Variants in KIRREL3 observed in about 807,000 individuals in gnomAD.
KIRREL3 encodes kirre like nephrin family adhesion molecule 3.
KIRREL3 carries 36 observed loss-of-function variants against 89.7 expected under a neutral mutation model. That is an observed-to-expected ratio of 0.40 (90% CI 0.31 to 0.53). KIRREL3 has a LOEUF of 0.53. KIRREL3 is among the 20% of genes least tolerant of loss of function. The pLI is 0.49. For synonymous variants in KIRREL3, 445 were observed against 441.4 expected, an observed-to-expected ratio of 1.01 and a Z score of -0.10; for missense variants, 864 against 1,056.6, an observed-to-expected ratio of 0.82 and a Z score of 2.53.
Position 126,896,610 on chromosome 11 carries a change from T to C in KIRREL3, c.55+103845A>G, listed in dbSNP as rs1337017154. Among the ~76,000 whole-genome samples the C allele has an allele frequency of 6.7e-6, 1 of 149,254 alleles. No individual in the cohort carries two copies. The highest frequency in any genetic ancestry group is 1.5e-5 in the Non-Finnish European group (1 of 66,902). The stretch of plus-strand genomic sequence containing the variant: ...GTGTAGAGAACGTGGGGCCTGTCCA[T>C]GGGCTTCAGTGCCCACCATGCAGTG... On this transcript the variant is annotated intron_variant, in intron 1 of 16. Transcript: ENST00000525144. The surrounding 1 kb of genome is among the most constrained non-coding windows in gnomAD (Gnocchi z 4.1).
At position 126,642,307 on chromosome 11, in the gene KIRREL3, C is replaced by T. The variant is rs543555057; in HGVS notation, c.56-79395G>A. ...TGAGACCAGCAAGAGGCTCTGTTTGCGCCAAGTCTCCCTGTAAACACTGTG... is the reference window on the plus strand; with the variant it reads ...TGAGACCAGCAAGAGGCTCTGTTTGTGCCAAGTCTCCCTGTAAACACTGTG... On this transcript the variant is annotated intron_variant, in intron 1 of 16. Transcript: ENST00000525144. This position sits in a 1 kb window ranked among gnomAD's most constrained non-coding sequence, Gnocchi z 4.9. 3.3e-5 allele frequency among the ~76,000 whole-genome samples: 5 copies of T among 152,330 alleles called. No homozygotes were observed. Among genetic ancestry groups the T allele is most frequent in the African/African-American group, 4.8e-5 (2 of 41,574 alleles).
At chr11:126,973,026 G>A (rs1029185903) in intron 1 of KIRREL3, among the ~76,000 whole-genome samples, 4 of 147,010 alleles carry the variant, frequency 2.7e-5, no homozygotes, top group African/African-American at 1.0e-4. Flanking sequence ...ATAACTAAGG[G>A]CATTGCTGAA....
intron 4 of KIRREL3, among the ~76,000 whole-genome samples, chr11:126,500,946 C>G (rs116262354): frequency 0.01 from 1,531 of 152,280 alleles, 20 homozygotes; most frequent in African/African-American, 0.035. Flanking sequence ...TGCTGCTGGT[C>G]TGTTGCATTT....
intron 4 of KIRREL3, among the ~76,000 whole-genome samples, chr11:126,478,111 A>T (rs538898809): frequency 6.6e-6 from 1 of 152,162 alleles, no homozygotes; most frequent in Admixed American, 6.5e-5. Context: ...CCCTGGCCCC[A>T]CTGCGTCTCT....
intron 1 of KIRREL3, among the ~76,000 whole-genome samples, chr11:126,887,340 G>C (rs922058160): frequency 6.6e-6 from 1 of 152,164 alleles, no homozygotes; most frequent in Non-Finnish European, 1.5e-5. Flanking sequence ...TCAGTGGAAC[G>C]GAGGGGAGAT....
rs902010515 is a variant in KIRREL3, at chr11:126,427,804, A to T, written c.1806+1375T>A. ...GCTCTCGAGGGTGGATTGAGAAAAG[A>T]GACAAAAGACTACAAGGCTGAGACC... is the stretch of plus-strand genomic sequence containing the variant. On this transcript the variant is annotated intron_variant, in intron 15 of 16. Transcript: ENST00000525144. This position sits in a 1 kb window ranked among gnomAD's most constrained non-coding sequence, Gnocchi z 5.3. 1.3e-5 allele frequency among the ~76,000 whole-genome samples: 2 copies of T among 152,200 alleles called. No individual in the cohort carries two copies. Among genetic ancestry groups the T allele is most frequent in the Admixed American group, 6.5e-5 (1 of 15,280 alleles).
In KIRREL3 at chr11:126,715,725, C is replaced by T. The variant is rs140670773; in HGVS notation, c.56-152813G>A. The stretch of plus-strand genomic sequence containing the variant: ...GCAGGCAAAAGGAGGAAAGAGAATG[C>T]GGGGGAGGCAAACATCAGAGAGACT... On this transcript the variant is annotated intron_variant, in intron 1 of 16. Coordinates refer to ENST00000525144, the MANE Select transcript of KIRREL3 (RefSeq NM_032531.4). The surrounding 1 kb of genome is among the most constrained non-coding windows in gnomAD (Gnocchi z 4.4). 1.4e-4 allele frequency among the ~76,000 whole-genome samples: 22 copies of T among 152,140 alleles called. No individual in the cohort carries two copies. Among genetic ancestry groups the T allele is most frequent in the Middle Eastern group, 3.4e-3 (1 of 294 alleles).
In KIRREL3 at chr11:126,788,403, T is replaced by C. The variant is rs543924753; in HGVS notation, c.55+212052A>G. 5.3e-5 allele frequency among the ~76,000 whole-genome samples: 8 copies of C among 152,336 alleles called. No individual in the cohort carries two copies. The highest frequency in any genetic ancestry group is 1.9e-4 in the African/African-American group (8 of 41,576). ...GGTCTGTGGCCCTTGGTTTTGAGACTGAGACAGGGCTGTGCTTCTTCCCTT... is the reference window on the plus strand; with the variant it reads ...GGTCTGTGGCCCTTGGTTTTGAGACCGAGACAGGGCTGTGCTTCTTCCCTT... On this transcript the variant is annotated intron_variant, in intron 1 of 16. Transcript: ENST00000525144. The surrounding 1 kb of genome is among the most constrained non-coding windows in gnomAD (Gnocchi z 4.1).
intron 1 of KIRREL3, among the ~76,000 whole-genome samples, chr11:126,816,916 T>C (rs1267802470): frequency 6.6e-6 from 1 of 152,158 alleles, no homozygotes; most frequent in South Asian, 2.1e-4. Flanking sequence ...CTTCTAATCA[T>C]AGACTCAGCA....
rs914083171 is a variant in KIRREL3, at chr11:126,563,759, C to G, written c.56-847G>C. ...GTGTGAGCATTAAATTGGAGTCCATCTGCCTCACAAGAAGGCAAGCTTTCC... is the reference window on the plus strand; with the variant it reads ...GTGTGAGCATTAAATTGGAGTCCATGTGCCTCACAAGAAGGCAAGCTTTCC... On this transcript the variant is annotated intron_variant, in intron 1 of 16. Transcript: ENST00000525144. This position sits in a 1 kb window ranked among gnomAD's most constrained non-coding sequence, Gnocchi z 6.8. 2.0e-5 allele frequency among the ~76,000 whole-genome samples: 3 copies of G among 152,228 alleles called. No homozygotes were observed. The highest frequency in any genetic ancestry group is 4.4e-5 in the Non-Finnish European group (3 of 68,028).
At chr11:126,425,970 TCCG>T (rs1441290641) in intron 15 of KIRREL3, among the ~76,000 whole-genome samples, 1 of 152,182 alleles carries the variant, frequency 6.6e-6, no homozygotes. Flanking sequence ...GGGGCAGGTA[TCCG>T]AGGCCATACT....
chr11:126,819,260 G>C (rs550307705), intron 1 of KIRREL3, among the ~76,000 whole-genome samples: 1 of 152,174 alleles, frequency 6.6e-6, no homozygotes, highest in East Asian at 1.9e-4. Context: ...AGGAGGTACC[G>C]TTCTGTCCCC....
intron 1 of KIRREL3, among the ~76,000 whole-genome samples, chr11:126,864,914 T>C (rs1393087613): frequency 3.3e-5 from 5 of 152,150 alleles, no homozygotes; most frequent in Non-Finnish European, 7.3e-5. Context: ...CTGCCTGTTT[T>C]CCTACTGGCC....
At position 126,904,937 on chromosome 11, in the gene KIRREL3, G is replaced by GGATGAT. The variant is rs138130651; in HGVS notation, c.55+95512_55+95517dup. Among the ~76,000 whole-genome samples, 79 of 151,264 alleles carry GGATGAT rather than the reference G, an allele frequency of 5.2e-4. No individual in the cohort carries two copies. The highest frequency in any genetic ancestry group is 9.8e-4 in the East Asian group (5 of 5,120). On this transcript the variant is annotated intron_variant, in intron 1 of 16. Transcript: ENST00000525144. This position sits in a 1 kb window ranked among gnomAD's most constrained non-coding sequence, Gnocchi z 4.4. ...ATAAATAACTGACTATCCATGATGG[G>GGATGAT]GATGATGATGATGATGATGATGATG...
intron 1 of KIRREL3, among the ~76,000 whole-genome samples, chr11:126,713,604 A>G (rs558968788): frequency 3.9e-5 from 6 of 152,198 alleles, no homozygotes; most frequent in Admixed American, 6.5e-5. Context: ...AAGTAGACGC[A>G]ACAGGCTCTG....
In KIRREL3 at chr11:126,640,866, C is replaced by A. The variant is rs1009983128; in HGVS notation, c.56-77954G>T. On this transcript the variant is annotated intron_variant, in intron 1 of 16. Coordinates refer to ENST00000525144, the MANE Select transcript of KIRREL3 (RefSeq NM_032531.4). This position sits in a 1 kb window ranked among gnomAD's most constrained non-coding sequence, Gnocchi z 4.9. Reference sequence around the variant, plus strand: ...TCCCCTTGACCTTCATATTGGAGTCCTTGGATCTCTTCTCAATCTTATGGC... The same window carrying A: ...TCCCCTTGACCTTCATATTGGAGTCATTGGATCTCTTCTCAATCTTATGGC... 1.3e-5 allele frequency among the ~76,000 whole-genome samples: 2 copies of A among 152,046 alleles called. No homozygotes were observed. The highest frequency in any genetic ancestry group is 4.8e-5 in the African/African-American group (2 of 41,384).
rs1477705970 is a variant in KIRREL3 at position 126,676,655 on chromosome 11, A to T, written c.56-113743T>A. On this transcript the variant is annotated intron_variant, in intron 1 of 16. Transcript: ENST00000525144. This position sits in a 1 kb window ranked among gnomAD's most constrained non-coding sequence, Gnocchi z 4.5. ...GTGGTCCTGGACTCTCCTTGCCTGG[A>T]CTTGAGGTAACTGCCTTGGCCTCCC... 1.3e-5 allele frequency among the ~76,000 whole-genome samples: 2 copies of T among 152,048 alleles called. No individual in the cohort carries two copies. The highest frequency in any genetic ancestry group is 2.9e-5 in the Non-Finnish European group (2 of 67,998).
At position 126,677,099 on chromosome 11, in the gene KIRREL3, C is replaced by T. The variant is rs2135082224; in HGVS notation, c.56-114187G>A. On this transcript the variant is annotated intron_variant, in intron 1 of 16. Transcript: ENST00000525144. This position sits in a 1 kb window ranked among gnomAD's most constrained non-coding sequence, Gnocchi z 5.1. ...ATTGAGATACAGTTCACATATGGCC[C>T]ACTTAAAGAATACAATTCAGTGATT... Among the ~76,000 whole-genome samples, 1 of 152,084 alleles carries T rather than the reference C, an allele frequency of 6.6e-6. No homozygotes were observed. The highest frequency in any genetic ancestry group is 2.4e-5 in the African/African-American group (1 of 41,480).
At chr11:126,437,886 A>G (rs1176541564) in intron 11 of KIRREL3, among the ~76,000 whole-genome samples, 1 of 152,166 alleles carries the variant, frequency 6.6e-6, no homozygotes, top group East Asian at 1.9e-4. Flanking sequence ...ACACTATGAC[A>G]TACACACACA....
Sources: allele counts gnomAD v4.1 joint callset (sites outside exome capture counted in the v4.1 genomes callset), GRCh38; gene constraint gnomAD v4.1.1; non-coding constraint Gnocchi (gnomAD v3.1); transcripts MANE v1.5; gene names NCBI Gene and HGNC (gene_info 2026-07-23, HGNC 2026-07-21).